Variants in MND1 observed in about 807,000 individuals in gnomAD.
MND1 encodes meiotic nuclear divisions 1.
MND1 carries 28 observed loss-of-function variants against 35.1 expected under a neutral mutation model. That is an observed-to-expected ratio of 0.80 (90% CI 0.59 to 1.09). MND1 has a LOEUF of 1.09. Ranked by LOEUF, MND1 falls within the 50% of genes least tolerant of loss-of-function variation. The pLI, the probability that MND1 is intolerant of heterozygous loss-of-function variation, is 0.00. For synonymous variants in MND1, 69 were observed against 70.5 expected (o/e 0.98, Z 0.11); for missense variants, 213 against 239.6 (o/e 0.89, Z 0.73).
chr4:153,391,845 G>C (rs1729048994), intron 4 of MND1, among the ~76,000 whole-genome samples: 1 of 151,844 alleles, frequency 6.6e-6, no homozygotes, highest in Admixed American at 6.6e-5. Flanking sequence ...GGTGGTGTCT[G>C]CCTGGCATTA....
In MND1 at chr4:153,394,197, T is replaced by A. The variant is rs764035012; in HGVS notation, c.277-65T>A. Reference sequence around the variant, plus strand: ...GAGCCACTGCACCTGGTGGACTTTGTTTTCATCAACTACTACATGTCAGTT... The same window carrying A: ...GAGCCACTGCACCTGGTGGACTTTGATTTCATCAACTACTACATGTCAGTT... On this transcript the variant is annotated intron_variant, in intron 4 of 7. Transcript: ENST00000240488. 2.7e-6 allele frequency: 4 copies of A among 1,496,500 alleles called. No individual in the cohort carries two copies. In the Admixed American group the frequency reaches 5.3e-5, roughly 20 times the overall value. The allele number at this position is 1,496,500 out of a possible 1,614,324, so 92.7% of individuals were successfully genotyped here. A position where few individuals can be genotyped will look rare whatever the true frequency, so the allele number is the denominator to read the frequency against.
intron 2 of MND1, among the ~76,000 whole-genome samples, chr4:153,352,830 A>G (rs1278125772): frequency 6.6e-6 from 1 of 151,250 alleles, no homozygotes; most frequent in African/African-American, 2.4e-5. Context: ...TTCTTTTTAC[A>G]CTTTCTTCAT....
chr4:153,376,863 C>CTTGTAT (rs1561066025), intron 4 of MND1, among the ~76,000 whole-genome samples: 2 of 151,994 alleles, frequency 1.3e-5, no homozygotes, highest in Non-Finnish European at 2.9e-5. Context: ...TGTATCAGTA[C>CTTGTAT]CTAGCACCGT....
chr4:153,345,910 ACT>A (rs1415971647), intron 1 of MND1, among the ~76,000 whole-genome samples: 2 of 152,190 alleles, frequency 1.3e-5, no homozygotes, highest in Non-Finnish European at 2.9e-5. Context: ...GCCTCGTATA[ACT>A]GACTTGGAGA....
chr4:153,403,348 T>G (rs1162802843), intron 6 of MND1, among the ~76,000 whole-genome samples: 1 of 152,198 alleles, frequency 6.6e-6, no homozygotes, highest in East Asian at 1.9e-4. Flanking sequence ...AGAACGCATG[T>G]CGCAGCACAT....
chr4:153,361,128 G>A (rs1561058639), intron 4 of MND1, among the ~76,000 whole-genome samples: 1 of 152,134 alleles, frequency 6.6e-6, no homozygotes, highest in Non-Finnish European at 1.5e-5. Flanking sequence ...CACTGCGACC[G>A]GCCTGTAACC....
chr4:153,412,829 G>A (rs1376724019), intron 7 of MND1, among the ~76,000 whole-genome samples: 5 of 144,456 alleles, frequency 3.5e-5, no homozygotes, highest in South Asian at 2.2e-4. Context: ...TTTTTGAGAC[G>A]GAGTCTTGCT....
chr4:153,388,916 CAG>C (rs550406718), intron 4 of MND1, among the ~76,000 whole-genome samples: 143 of 152,296 alleles, frequency 9.4e-4, no homozygotes, highest in Non-Finnish European at 1.6e-3. Context: ...AGAGGGGACT[CAG>C]GGGATGGTCC....
At position 153,403,433 on chromosome 4, in the gene MND1, T is replaced by A. The variant is rs1235074701; in HGVS notation, c.467-5538T>A. Reference sequence around the variant, plus strand: ...TTCATAGAGGTTTAGTCCAAGTGTTTAAGGAAATCTCTGTTCAATTAATAG... The same window carrying A: ...TTCATAGAGGTTTAGTCCAAGTGTTAAAGGAAATCTCTGTTCAATTAATAG... On this transcript the variant is annotated intron_variant, in intron 6 of 7. Coordinates refer to ENST00000240488, the MANE Select transcript of MND1 (RefSeq NM_032117.4). Among the ~76,000 whole-genome samples, 6 of 152,322 alleles carry A rather than the reference T, an allele frequency of 3.9e-5. 1 individual carries two copies. In the South Asian group the frequency reaches 8.3e-4, roughly 21 times the overall value.
chr4:153,349,851 C>G (rs913501570), intron 1 of MND1, among the ~76,000 whole-genome samples: 1 of 152,140 alleles, frequency 6.6e-6, no homozygotes, highest in African/African-American at 2.4e-5. Flanking sequence ...TACAAAATGC[C>G]AGGCTCTGCC....
At chr4:153,360,432 T>A (rs1477091903) in intron 4 of MND1, among the ~76,000 whole-genome samples, 1 of 152,072 alleles carries the variant, frequency 6.6e-6, no homozygotes, top group Non-Finnish European at 1.5e-5. Context: ...TGTTACCTTC[T>A]AGGAGTTTTG....
In MND1 at chr4:153,350,082, A is replaced by C. The variant is rs1773175950; in HGVS notation, c.22A>C (p.Ser8Arg). MSKKKGL[S>R]AEEKRTRMME... Reference sequence around the variant, plus strand: ...GCTTTAGTCAAAGAAAAAAGGACTGAGTGCAGAAGAAAAGAGAACTCGCAT... The same window carrying C: ...GCTTTAGTCAAAGAAAAAAGGACTGCGTGCAGAAGAAAAGAGAACTCGCAT... The change falls in exon 2 of 8, where the codon AGT (serine) becomes CGT (arginine). Residue 8 changes from serine (S) to arginine (R), a missense_variant. Physicochemically the swap from Ser to Arg is moderately radical, Grantham distance 110. Transcript: ENST00000240488. 6.2e-7 allele frequency: 1 copy of C among 1,603,882 alleles called. No homozygotes were observed. The highest frequency in any genetic ancestry group is 1.7e-5 in the Admixed American group (1 of 57,992).
In MND1 at chr4:153,366,326, G is replaced by A. The variant is rs191605280; in HGVS notation, c.276+7704G>A. On this transcript the variant is annotated intron_variant, in intron 4 of 7. Coordinates refer to ENST00000240488, the MANE Select transcript of MND1 (RefSeq NM_032117.4). Reference sequence around the variant, plus strand: ...TGCCATTCACAGGTTCCAAGGATTGGGACCTCCTATCTTTGGGGGACATTA... The same window carrying A: ...TGCCATTCACAGGTTCCAAGGATTGAGACCTCCTATCTTTGGGGGACATTA... Among the ~76,000 whole-genome samples the A allele has an allele frequency of 8.5e-5, 13 of 152,282 alleles. No homozygotes were observed. The East Asian group carries it at 2.3e-3, about 27-fold the overall frequency.
intron 7 of MND1, among the ~76,000 whole-genome samples, chr4:153,409,344 T>C (rs541407324): frequency 8.9e-4 from 134 of 150,230 alleles, no homozygotes; most frequent in Non-Finnish European, 1.6e-3. Flanking sequence ...TTTAAGATAA[T>C]GAAATCTTAA....
intron 4 of MND1, among the ~76,000 whole-genome samples, chr4:153,393,924 CTTTTTTTT>C (rs36028750): frequency 1.8e-5 from 1 of 56,464 alleles, no homozygotes; most frequent in African/African-American, 7.1e-5. Context: ...ACTTTGTTTT[CTTTTTTTT>C]TTTTTTTTTT....
At chr4:153,366,854 T>C (rs1288232337) in intron 4 of MND1, among the ~76,000 whole-genome samples, 4 of 152,216 alleles carry the variant, frequency 2.6e-5, no homozygotes, top group Admixed American at 6.5e-5. Flanking sequence ...TATATTTGTT[T>C]TATAGATGAA....
At chr4:153,369,131 A>G (rs571305087) in intron 4 of MND1, among the ~76,000 whole-genome samples, 6 of 152,226 alleles carry the variant, frequency 3.9e-5, no homozygotes, top group Non-Finnish European at 8.8e-5. Context: ...TGGGCTGCAG[A>G]TCTCAGTTCT....
At chr4:153,410,911 A>C (rs1490267387) in intron 7 of MND1, among the ~76,000 whole-genome samples, 1 of 152,156 alleles carries the variant, frequency 6.6e-6, no homozygotes, top group East Asian at 1.9e-4. Context: ...GAATTGCTTG[A>C]ACCCAGGAGG....
chr4:153,355,579 A>C, intron 2 of MND1, 75 bp from the exon 3 acceptor site: 1 of 930,008 alleles, frequency 1.1e-6, no homozygotes, highest in Non-Finnish European at 1.7e-6. Context: ...CCATAATAAA[A>C]ATTTTTAAAA....
Sources: gnomAD v4.1 joint callset for allele counts (sites outside exome capture counted in the v4.1 genomes callset) on GRCh38, gnomAD v4.1.1 for gene constraint, MANE v1.5 for transcripts, NCBI Gene and HGNC (gene_info 2026-07-23, HGNC 2026-07-21) for gene names.